ZDHHC11: variants seen among roughly 807,000 people sequenced by gnomAD.
The protein encoded by ZDHHC11 is palmitoyltransferase ZDHHC11.
In ZDHHC11, 44 loss-of-function variants were observed where a neutral mutation model predicts 51.3. The observed-to-expected ratio is 0.86, with a 90% CI of 0.67 to 1.10. The LOEUF is 1.10. ZDHHC11 is among the 50% of genes least tolerant of loss of function. ZDHHC11 has a pLI of 0.00. For missense variants in ZDHHC11, 400 were observed against 537.7 expected, an observed-to-expected ratio of 0.74 and a Z score of 2.53; for synonymous variants, 163 against 222.0, an observed-to-expected ratio of 0.73 and a Z score of 2.36.
chr5:830,842 A>G (rs1234694079), intron 7 of ZDHHC11, among the ~76,000 whole-genome samples: 1 of 150,518 alleles, frequency 6.6e-6, no homozygotes, highest in African/African-American at 2.5e-5. Flanking sequence ...CTTACTGCCA[A>G]TCGATCTTCA....
At chr5:856,542 A>G (rs1043001328) in intron 1 of ZDHHC11, among the ~76,000 whole-genome samples, 2 of 150,174 alleles carry the variant, frequency 1.3e-5, no homozygotes, top group Non-Finnish European at 3.0e-5. Flanking sequence ...CACACACCAC[A>G]CAACTCCATG....
chr5:842,133 T>C, intron 4 of ZDHHC11: 1 of 986,446 alleles, frequency 1.0e-6, no homozygotes, highest in Non-Finnish European at 1.2e-6. Context: ...CCACAATCAA[T>C]GAATTCACAC....
intron 12 of ZDHHC11, among the ~76,000 whole-genome samples, chr5:800,574 G>T (rs1738272013): frequency 6.6e-6 from 1 of 151,478 alleles, no homozygotes; most frequent in African/African-American, 2.4e-5. Flanking sequence ...ACTCATGTGT[G>T]TGCCTGATAG....
intron 10 of ZDHHC11, 72 bp downstream of exon 10, chr5:819,453 T>C (rs146465368): frequency 2.6e-6 from 4 of 1,519,398 alleles, no homozygotes; most frequent in African/African-American, 1.4e-5. Context: ...TAACCTCAGC[T>C]TGGGGGACCT....
rs1239649920 is a variant in ZDHHC11, at chr5:823,718, G to T, written c.1023+1446C>A. On this transcript the variant is annotated intron_variant, in intron 8 of 12. Transcript: ENST00000283441. Reference sequence around the variant, plus strand: ...TTGGGATTCAACATGATGCTGAGCGGATCTTCTCTGCTTCAGACCAGGCCT... The same window carrying T: ...TTGGGATTCAACATGATGCTGAGCGTATCTTCTCTGCTTCAGACCAGGCCT... The T allele has an allele frequency of 2.0e-5, 4 of 203,422 alleles. 1 individual carries two copies. Among genetic ancestry groups the T allele is most frequent in the African/African-American group, 9.1e-5 (4 of 43,906 alleles). 12.6% of individuals were successfully genotyped at this position (203,422 alleles called of 1,614,324 possible).
chr5:840,885 T>C, intron 4 of ZDHHC11: 1 of 1,426,254 alleles, frequency 7.0e-7, no homozygotes, highest in Non-Finnish European at 9.2e-7. Context: ...GCTCCAACAT[T>C]GTCACTAAGT....
At chr5:821,947 C>A in intron 8 of ZDHHC11, 52 bp from the exon 9 acceptor site, 1 of 1,524,558 alleles carries the variant, frequency 6.6e-7, no homozygotes, top group Non-Finnish European at 9.0e-7. Context: ...TGAACTTATT[C>A]TTAAAAAAAA....
chr5:843,215 C>G, intron 4 of ZDHHC11: 1 of 391,444 alleles, frequency 2.6e-6, no homozygotes, highest in Non-Finnish European at 4.9e-6. Flanking sequence ...CACTCTCCCT[C>G]CCCATGGGCT....
upstream of ZDHHC11, among the ~76,000 whole-genome samples, chr5:854,867 G>A (rs982191266): frequency 7.1e-6 from 1 of 139,906 alleles, no homozygotes; most frequent in African/African-American, 2.7e-5. Flanking sequence ...GAGCCGGGGG[G>A]ACAGACCCCA....
intron 7 of ZDHHC11, among the ~76,000 whole-genome samples, chr5:829,675 G>A (rs1411302684): frequency 2.6e-5 from 4 of 151,204 alleles, no homozygotes; most frequent in Admixed American, 2.0e-4. Context: ...AACCATGAAA[G>A]GACATAGCAA....
intron 1 of ZDHHC11, among the ~76,000 whole-genome samples, chr5:856,785 C>T (rs1422722171): frequency 1.3e-5 from 2 of 151,674 alleles, no homozygotes; most frequent in African/African-American, 4.8e-5. Context: ...CAGCACACCA[C>T]ACAAACCACA....
At chr5:849,179 C>T (rs545409071) in intron 1 of ZDHHC11, among the ~76,000 whole-genome samples, 2 of 152,344 alleles carry the variant, frequency 1.3e-5, no homozygotes, top group East Asian at 3.9e-4. Flanking sequence ...CCTGCATACA[C>T]AGCCCTGTGC....
chr5:851,873 C>T (rs202211657), upstream of ZDHHC11, among the ~76,000 whole-genome samples: 68 of 152,204 alleles, frequency 4.5e-4, no homozygotes, highest in East Asian at 0.012. Flanking sequence ...CTGGGCAACA[C>T]GGCGAAACCC....
upstream of ZDHHC11, among the ~76,000 whole-genome samples, chr5:853,640 G>A (rs1288290817): frequency 2.1e-5 from 3 of 145,682 alleles, no homozygotes; most frequent in Non-Finnish European, 4.5e-5. Context: ...CAGCAAGCCA[G>A]GGGGACAGAC....
intron 9 of ZDHHC11, among the ~76,000 whole-genome samples, chr5:819,825 A>G (rs1741334207): frequency 6.7e-6 from 1 of 150,290 alleles, no homozygotes; most frequent in Admixed American, 6.6e-5. Flanking sequence ...AAGGACCAGG[A>G]CTCCTTCCCA....
intron 8 of ZDHHC11, among the ~76,000 whole-genome samples, chr5:823,209 G>A (rs1420758848): frequency 2.2e-4 from 33 of 151,122 alleles, no homozygotes; most frequent in African/African-American, 7.0e-4. Flanking sequence ...ACAAGACCCC[G>A]GAGATATTCT....
At chr5:841,563 C>T in intron 4 of ZDHHC11, 1 of 1,001,814 alleles carries the variant, frequency 1.0e-6, no homozygotes, top group Non-Finnish European at 1.2e-6. Flanking sequence ...GGTCACAGAG[C>T]CTGCCAGCTC....
upstream of ZDHHC11, among the ~76,000 whole-genome samples, chr5:852,171 T>G (rs1402048336): frequency 6.6e-6 from 1 of 151,678 alleles, no homozygotes; most frequent in Non-Finnish European, 1.5e-5. Flanking sequence ...AAAACCCAAA[T>G]GAAAGTGCCA....
intron 8 of ZDHHC11, among the ~76,000 whole-genome samples, chr5:822,977 C>A (rs576290404): frequency 1.0e-3 from 152 of 149,628 alleles, no homozygotes; most frequent in Non-Finnish European, 2.0e-3. Context: ...AATCTTTCAC[C>A]CATTTAAAAA....
Sources: gnomAD v4.1 joint callset for allele counts (sites outside exome capture counted in the v4.1 genomes callset) on GRCh38, gnomAD v4.1.1 for gene constraint, MANE v1.5 for transcripts, NCBI Gene and HGNC (gene_info 2026-07-23, HGNC 2026-07-21) for gene names.